ANKS1B: variants seen among roughly 807,000 people sequenced by gnomAD.
ANKS1B encodes the protein ankyrin repeat and sterile alpha motif domain-containing protein 1B.
In ANKS1B, 36 loss-of-function variants were observed where a neutral mutation model predicts 148.3. That is an observed-to-expected ratio of 0.24 (90% CI 0.19 to 0.32). The LOEUF is 0.32. Ranked by LOEUF, ANKS1B falls within the 10% of genes least tolerant of loss-of-function variation. ANKS1B has a pLI of 1.00. For missense variants in ANKS1B, 1,157 were observed against 1,542.6 expected, an observed-to-expected ratio of 0.75 and a Z score of 4.19; for synonymous variants, 542 against 560.8, an observed-to-expected ratio of 0.97 and a Z score of 0.47.
intron 8 of ANKS1B, among the ~76,000 whole-genome samples, chr12:99,707,892 G>GT (rs1567686511): frequency 6.6e-6 from 1 of 152,056 alleles, no homozygotes; most frequent in African/African-American, 2.4e-5. Flanking sequence ...CAGAAATCAG[G>GT]TGTATGTGTG....
intron 9 of ANKS1B, among the ~76,000 whole-genome samples, chr12:99,595,714 C>T (rs1368965571): frequency 6.6e-6 from 1 of 151,714 alleles, no homozygotes; most frequent in Non-Finnish European, 1.5e-5. Flanking sequence ...AAAACATGCC[C>T]CTGTATAATA....
chr12:99,462,237 G>T (rs2095990266), intron 10 of ANKS1B, among the ~76,000 whole-genome samples: 1 of 152,198 alleles, frequency 6.6e-6, no homozygotes, highest in Non-Finnish European at 1.5e-5. Flanking sequence ...TTTTGGAATT[G>T]CCTCAACTGA....
chr12:99,295,648 T>C (rs990269790), intron 12 of ANKS1B, among the ~76,000 whole-genome samples: 9 of 152,164 alleles, frequency 5.9e-5, no homozygotes, highest in Non-Finnish European at 1.3e-4. Flanking sequence ...CATGTTCAGG[T>C]TTGTTATATA....
chr12:99,861,750 T>A (rs1346668974), intron 1 of ANKS1B, among the ~76,000 whole-genome samples: 2 of 152,202 alleles, frequency 1.3e-5, no homozygotes, highest in African/African-American at 4.8e-5. Context: ...TGAACAACAA[T>A]AAAGAAGTTC....
At chr12:98,867,809 C>T (rs559564644) in intron 17 of ANKS1B, among the ~76,000 whole-genome samples, 3 of 151,772 alleles carry the variant, frequency 2.0e-5, no homozygotes, top group South Asian at 4.2e-4. Flanking sequence ...TTGCAGTGAG[C>T]CGAGATCGCA....
intron 9 of ANKS1B, among the ~76,000 whole-genome samples, chr12:99,506,018 G>T (rs1285636713): frequency 6.6e-6 from 1 of 152,038 alleles, no homozygotes. Context: ...ACTGGGAGTT[G>T]TGGCTTGCTA....
chr12:99,601,777 T>C (rs1279570677), intron 9 of ANKS1B, among the ~76,000 whole-genome samples: 1 of 151,998 alleles, frequency 6.6e-6, no homozygotes, highest in Non-Finnish European at 1.5e-5. Flanking sequence ...AGAAATGAGA[T>C]TGGACAGAAA....
At chr12:99,689,034 A>G (rs1266304085) in intron 8 of ANKS1B, among the ~76,000 whole-genome samples, 2 of 152,028 alleles carry the variant, frequency 1.3e-5, no homozygotes, top group African/African-American at 4.8e-5. Flanking sequence ...CTCAATTCAA[A>G]TTTTCCTCAA....
chr12:99,517,760 T>C (rs2153048978), intron 9 of ANKS1B, among the ~76,000 whole-genome samples: 1 of 152,252 alleles, frequency 6.6e-6, no homozygotes, highest in East Asian at 1.9e-4. Flanking sequence ...CTATGCTGAC[T>C]AACGGTGGCA....
At chr12:98,808,167 T>G (rs1238979028) in intron 19 of ANKS1B, among the ~76,000 whole-genome samples, 1 of 152,168 alleles carries the variant, frequency 6.6e-6, no homozygotes, top group Non-Finnish European at 1.5e-5. Context: ...ACCAATAAAT[T>G]CATGCCTTGG....
intron 9 of ANKS1B, among the ~76,000 whole-genome samples, chr12:99,591,025 G>T (rs2097697591): frequency 6.9e-6 from 1 of 144,936 alleles, no homozygotes; most frequent in African/African-American, 2.5e-5. Context: ...GTTCTTTCGG[G>T]TAAAGAATAT....
chr12:99,293,480 C>T (rs1441724413), intron 12 of ANKS1B, among the ~76,000 whole-genome samples: 2 of 151,896 alleles, frequency 1.3e-5, no homozygotes, highest in South Asian at 4.2e-4. Context: ...GCACATGTAC[C>T]CTAGAACTTA....
At chr12:99,596,886 G>A (rs148907549) in intron 9 of ANKS1B, among the ~76,000 whole-genome samples, 3 of 151,968 alleles carry the variant, frequency 2.0e-5, no homozygotes, top group East Asian at 1.9e-4. Context: ...GTGCAGGACC[G>A]AGGAGACCAG....
chr12:99,643,782 A>G (rs977914814), intron 9 of ANKS1B, among the ~76,000 whole-genome samples: 2 of 152,140 alleles, frequency 1.3e-5, no homozygotes, highest in African/African-American at 4.8e-5. Flanking sequence ...TCTGAATCCC[A>G]TCTCAGCGTA....
rs7299278 is a variant in ANKS1B, at chr12:99,455,619, G to A, written c.1439-11810C>T. Among the ~76,000 whole-genome samples the A allele has an allele frequency of 2.4e-3, 368 of 152,288 alleles. 3 individuals are homozygous for A. The highest frequency in any genetic ancestry group is 4.8e-3 in the Admixed American group (74 of 15,300). On this transcript the variant is annotated intron_variant, in intron 10 of 26. Coordinates refer to ENST00000683438, the MANE Select transcript of ANKS1B (RefSeq NM_001352186.2). ...GCCTTTTGGGCTGTGGGCTGTGTGG[G>A]AGTTGGGTGAGGTCTGTGGCTGCTG...
At chr12:99,595,137 GAATT>G (rs1474095928) in intron 9 of ANKS1B, among the ~76,000 whole-genome samples, 2 of 151,868 alleles carry the variant, frequency 1.3e-5, no homozygotes, top group Non-Finnish European at 2.9e-5. Context: ...AGTCATATAA[GAATT>G]AAATGAGAAC....
chr12:99,817,628 A>G (rs1267428828), intron 2 of ANKS1B, among the ~76,000 whole-genome samples: 5 of 151,620 alleles, frequency 3.3e-5, no homozygotes, highest in Non-Finnish European at 3.0e-5. Flanking sequence ...TTACATTCCC[A>G]TCAATGGTGT....
chr12:98,767,117 G>A (rs543401038), intron 25 of ANKS1B, among the ~76,000 whole-genome samples: 1 of 152,090 alleles, frequency 6.6e-6, no homozygotes, highest in Non-Finnish European at 1.5e-5. Flanking sequence ...ACTGTGCCCA[G>A]CCAGGAATTT....
chr12:99,384,632 C>T (rs1295476655), intron 12 of ANKS1B, among the ~76,000 whole-genome samples: 2 of 151,386 alleles, frequency 1.3e-5, no homozygotes, highest in Non-Finnish European at 2.9e-5. Context: ...TTCCCCTCCT[C>T]TCCCTCCCCT....
Sources: gnomAD v4.1 joint callset for allele counts (sites outside exome capture counted in the v4.1 genomes callset) on GRCh38, gnomAD v4.1.1 for gene constraint, MANE v1.5 for transcripts, NCBI Gene and HGNC (gene_info 2026-07-23, HGNC 2026-07-21) for gene names.